The following TMEM132D variants were observed in gnomAD, a reference collection of about 807,000 sequenced individuals.
TMEM132D encodes the protein mature OL transmembrane protein.
Under a neutral mutation model 62.3 loss-of-function variants are expected in TMEM132D, and 21 were observed. The ratio of observed to expected loss-of-function variants is 0.34; its 90% CI spans 0.24 to 0.49. TMEM132D has a LOEUF of 0.49. Ranked by LOEUF, TMEM132D falls within the 20% of genes least tolerant of loss-of-function variation. TMEM132D has a pLI of 0.99. For synonymous variants in TMEM132D, 621 were observed against 575.6 expected (o/e 1.08, Z -1.13); for missense variants, 1,346 against 1,402.8 (o/e 0.96, Z 0.65).
intron 4 of TMEM132D, among the ~76,000 whole-genome samples, chr12:129,220,102 C>A (rs904827454): frequency 6.6e-6 from 1 of 152,102 alleles, no homozygotes; most frequent in African/African-American, 2.4e-5. Context: ...TAGTTGCAGA[C>A]AACAGAATCC....
chr12:129,413,999 G>A (rs1390448635), intron 3 of TMEM132D, among the ~76,000 whole-genome samples: 1 of 152,190 alleles, frequency 6.6e-6, no homozygotes, highest in Middle Eastern at 3.2e-3. Flanking sequence ...AAATCTATGA[G>A]TGCAAGGGCA....
intron 4 of TMEM132D, among the ~76,000 whole-genome samples, chr12:129,243,996 T>C (rs1880004709): frequency 6.6e-6 from 1 of 151,848 alleles, no homozygotes; most frequent in African/African-American, 2.4e-5. Flanking sequence ...AGGAAGTGCG[T>C]TTGGGGGGTT....
chr12:129,145,164 CT>C (rs1876857128), intron 5 of TMEM132D, among the ~76,000 whole-genome samples: 1 of 152,042 alleles, frequency 6.6e-6, no homozygotes, highest in South Asian at 2.1e-4. Flanking sequence ...GTAAGACTTC[CT>C]TTTACCACAC....
chr12:129,880,213 T>A (rs918496865), intron 1 of TMEM132D, among the ~76,000 whole-genome samples: 1 of 152,098 alleles, frequency 6.6e-6, no homozygotes, highest in Non-Finnish European at 1.5e-5. Context: ...TGAAGAGATA[T>A]CATTAAAGTA....
At chr12:129,576,968 T>C (rs10773685) in intron 2 of TMEM132D, among the ~76,000 whole-genome samples, 74,285 of 151,570 alleles carry the variant, frequency 0.49, 18,613 homozygotes, top group East Asian at 0.57. Flanking sequence ...GTGGCAACCA[T>C]GGCTGCAGAC....
At chr12:129,391,783 G>C (rs1871296238) in intron 3 of TMEM132D, among the ~76,000 whole-genome samples, 1 of 152,118 alleles carries the variant, frequency 6.6e-6, no homozygotes, top group Non-Finnish European at 1.5e-5. Context: ...TTTAGATAGA[G>C]TCTCGTTCTG....
chr12:129,397,028 G>C (rs889597764), intron 3 of TMEM132D, among the ~76,000 whole-genome samples: 5 of 152,062 alleles, frequency 3.3e-5, no homozygotes, highest in African/African-American at 1.2e-4. Context: ...ACTGGTTTAT[G>C]GGTGAATCTA....
At position 129,903,240 on chromosome 12, in the gene TMEM132D, T is replaced by G; in HGVS notation, c.79+21A>C. 1 of 1,550,260 alleles carries G rather than the reference T, an allele frequency of 6.5e-7. No homozygotes were observed. The highest frequency in any genetic ancestry group is 8.7e-7 in the Non-Finnish European group (1 of 1,146,290). On this transcript the variant is annotated intron_variant, in intron 1 of 8. Transcript: ENST00000422113. This position sits in a 1 kb window ranked among gnomAD's most constrained non-coding sequence, Gnocchi z 6.2. The stretch of plus-strand genomic sequence containing the variant: ...CCAGGCGAAGTTAGTCCCCGGGCCC[T>G]GGCGGCCGCGGCGTCCTCACCTTTG...
chr12:129,656,787 C>T (rs914745982), intron 2 of TMEM132D, among the ~76,000 whole-genome samples: 7 of 152,086 alleles, frequency 4.6e-5, no homozygotes, highest in Admixed American at 2.0e-4. Flanking sequence ...TAGTTAATCA[C>T]TTATAAGAGA....
At chr12:129,591,913 G>A (rs962641047) in intron 2 of TMEM132D, among the ~76,000 whole-genome samples, 1 of 152,100 alleles carries the variant, frequency 6.6e-6, no homozygotes, top group African/African-American at 2.4e-5. Context: ...AAAAATTCAA[G>A]ATGGGTCCAA....
chr12:129,750,945 A>T (rs1174109231), intron 1 of TMEM132D, among the ~76,000 whole-genome samples: 2 of 152,250 alleles, frequency 1.3e-5, no homozygotes, highest in Admixed American at 6.5e-5. Flanking sequence ...ATGTACAATT[A>T]CTATGTGTCA....
At chr12:129,172,290 A>G (rs1236508219) in intron 5 of TMEM132D, among the ~76,000 whole-genome samples, 1 of 152,246 alleles carries the variant, frequency 6.6e-6, no homozygotes, top group Admixed American at 6.5e-5. Flanking sequence ...GGAATGTTGC[A>G]GCTGGTCTGA....
At chr12:129,201,641 C>A (rs1878707262) in intron 5 of TMEM132D, among the ~76,000 whole-genome samples, 1 of 152,200 alleles carries the variant, frequency 6.6e-6, no homozygotes, top group South Asian at 2.1e-4. Context: ...AAGACAAATA[C>A]TCTTTTCTAT....
At chr12:129,892,175 G>C (rs1874945647) in intron 1 of TMEM132D, among the ~76,000 whole-genome samples, 1 of 152,122 alleles carries the variant, frequency 6.6e-6, no homozygotes, top group African/African-American at 2.4e-5. Context: ...AGCTAAACAG[G>C]TGGCCACTTA....
At chr12:129,586,303 CCTTCAAGGCCAT>C (rs1479911915) in intron 2 of TMEM132D, among the ~76,000 whole-genome samples, 2 of 151,618 alleles carry the variant, frequency 1.3e-5, no homozygotes, top group Non-Finnish European at 2.9e-5. Context: ...TTCAAGGCCA[CCTTCAAGGCCAT>C]CTGCCACAGA....
chr12:129,425,859 G>A (rs1008624521), intron 3 of TMEM132D, among the ~76,000 whole-genome samples: 14 of 152,282 alleles, frequency 9.2e-5, no homozygotes, highest in Admixed American at 3.3e-4. Flanking sequence ...AAGTTGAGTC[G>A]ACTTCCCAAC....
rs774428203 is a variant in TMEM132D, at chr12:129,294,713, A to G, written c.1299+42921T>C. On this transcript the variant is annotated intron_variant, in intron 4 of 8. Transcript: ENST00000422113. ...AGATACCAGGAACCTCCAGGTCCCA[A>G]GCATTTTTATTTTCTCTACTTTTTT... Among the ~76,000 whole-genome samples, 17 of 152,304 alleles carry G rather than the reference A, an allele frequency of 1.1e-4. No individual in the cohort carries two copies. In the East Asian group the frequency reaches 1.9e-3, roughly 17 times the overall value.
chr12:129,793,048 C>A (rs954824951), intron 1 of TMEM132D, among the ~76,000 whole-genome samples: 6 of 151,278 alleles, frequency 4.0e-5, no homozygotes, highest in Non-Finnish European at 7.4e-5. Context: ...TTAAATACAT[C>A]ATTTTTACAT....
chr12:129,426,125 T>C (rs7134835), intron 3 of TMEM132D, among the ~76,000 whole-genome samples: 45,185 of 152,018 alleles, frequency 0.3, 7,748 homozygotes, highest in East Asian at 0.48. Flanking sequence ...AGAGGAAGAA[T>C]TCATTTTTCT....
Sources: gnomAD v4.1 joint callset for allele counts (sites outside exome capture counted in the v4.1 genomes callset) on GRCh38, gnomAD v4.1.1 for gene constraint, Gnocchi (gnomAD v3.1) non-coding constraint, MANE v1.5 for transcripts, NCBI Gene and HGNC (gene_info 2026-07-23, HGNC 2026-07-21) for gene names.